Variants in TERF1 observed in about 807,000 individuals in gnomAD.
The protein encoded by TERF1 is telomeric repeat-binding factor 1.
A neutral mutation model predicts 55.1 loss-of-function variants in TERF1; 20 were observed. That is an observed-to-expected ratio of 0.36 (90% CI 0.26 to 0.53). The LOEUF is 0.53. Ranked by LOEUF, TERF1 falls within the 20% of genes least tolerant of loss-of-function variation. The pLI is 0.91. For synonymous variants in TERF1, 168 were observed against 181.2 expected, an observed-to-expected ratio of 0.93 and a Z score of 0.59; for missense variants, 439 against 535.7, an observed-to-expected ratio of 0.82 and a Z score of 1.78.
chr8:73,012,560 C>G (rs1354555089), intron 1 of TERF1: 2 of 157,240 alleles, frequency 1.3e-5, no homozygotes, highest in African/African-American at 4.8e-5. Flanking sequence ...GTAGTCCCAG[C>G]TATGCGGGAG....
chr8:73,010,754 A>C (rs1329455624), intron 1 of TERF1: 1 of 152,216 alleles, frequency 6.6e-6, no homozygotes, highest in Non-Finnish European at 1.5e-5. Context: ...AACAGAACAA[A>C]AAGAAGATTG....
At chr8:73,038,911 C>A in intron 8 of TERF1, 1 of 530,788 alleles carries the variant, frequency 1.9e-6, no homozygotes, top group Non-Finnish European at 2.8e-6. Flanking sequence ...ATAAAAGAAT[C>A]AAGACTCAAA....
chr8:73,024,870 C>A lies in TERF1; in HGVS notation c.673C>A (p.His225Asn), dbSNP rs370183602. ...GATAATCTCTCAGAAAGATACATTT[C>A]ATTCCTTTTTTCAACACTTCAGCTA... ...LMIISQKDTF[H>N]SFFQHFSYNH... The change falls in exon 5 of 10, where the codon CAT becomes AAT. Residue 225 changes from histidine to asparagine, a missense_variant. His to Asn is a moderately conservative substitution (Grantham distance 68). Coordinates refer to ENST00000276603, the MANE Select transcript of TERF1 (RefSeq NM_017489.3). 3.1e-6 allele frequency: 5 copies of A among 1,589,654 alleles called. No individual in the cohort carries two copies. Among genetic ancestry groups the A allele is most frequent in the Admixed American group, 1.7e-5 (1 of 57,226 alleles).
At chr8:73,018,929 A>G (rs553557404) in intron 2 of TERF1, 1 of 152,292 alleles carries the variant, frequency 6.6e-6, no homozygotes, top group South Asian at 2.1e-4. Context: ...ATGAATAATG[A>G]TACAAGAGTT....
At position 73,047,525 on chromosome 8, in the gene TERF1, T is replaced by C. The variant is rs56346570; in HGVS notation, c.*1388T>C. On this transcript the variant is annotated 3_prime_UTR_variant, in exon 10 of 10. Transcript: ENST00000276603. ...ATTTTGGTTTTTCACCAACATTTTA[T>C]TCTTTAAAAGATTTAGACTAACAGA... is the stretch of plus-strand genomic sequence containing the variant. The C allele has an allele frequency of 2.8e-4, 42 of 152,358 alleles. No homozygotes were observed. The East Asian group carries it at 6.0e-3, about 22-fold the overall frequency. 9.4% of individuals were successfully genotyped at this position (152,358 alleles called of 1,614,324 possible). A position where few individuals can be genotyped will look rare whatever the true frequency, so the allele number is the denominator to read the frequency against.
intron 6 of TERF1, among the ~76,000 whole-genome samples, chr8:73,028,177 G>C (rs1481954294): frequency 2.0e-5 from 3 of 152,120 alleles, no homozygotes; most frequent in Non-Finnish European, 4.4e-5. Flanking sequence ...GGTTCTTACA[G>C]ATAATCATGA....
Position 73,046,022 on chromosome 8 carries a change from A to G in TERF1, c.1205A>G (p.Asn402Ser). ...GGCGTGAGGAAATATGGAGAGGGAA[A>G]CTGGTCTAAAATACTGTTGCATTAT... ...RSGVRKYGEG[N>S]WSKILLHYKF... The change falls in exon 10 of 10, where the codon AAC (asparagine) becomes AGC (serine). Residue 402 changes from asparagine (N) to serine (S), a missense_variant. By Grantham distance (46) the Asn-to-Ser change is conservative. This residue lies in a region of TERF1 where 25 missense variants were observed against 57.3 expected (regional missense o/e 0.44). Coordinates refer to ENST00000276603, the MANE Select transcript of TERF1 (RefSeq NM_017489.3). 6.2e-7 allele frequency: 1 copy of G among 1,608,568 alleles called. No homozygotes were observed. The highest frequency in any genetic ancestry group is 8.5e-7 in the Non-Finnish European group (1 of 1,177,916).
intron 2 of TERF1, among the ~76,000 whole-genome samples, chr8:73,020,195 T>C (rs2975852): frequency 0.57 from 86,868 of 152,072 alleles, 26,334 homozygotes; most frequent in Middle Eastern, 0.75. Context: ...TAATTAGTTA[T>C]CAGCTGTTGT....
At chr8:73,016,728 A>G (rs768317570) in intron 2 of TERF1, among the ~76,000 whole-genome samples, 2 of 152,088 alleles carry the variant, frequency 1.3e-5, no homozygotes, top group Non-Finnish European at 1.5e-5. Flanking sequence ...ACTGCAGCCT[A>G]TTGCATTGCC....
chr8:73,019,308 C>T (rs926000011), intron 2 of TERF1, among the ~76,000 whole-genome samples: 1 of 152,128 alleles, frequency 6.6e-6, no homozygotes, highest in South Asian at 2.1e-4. Context: ...TCTTGATTTC[C>T]ATATACAACT....
rs1452794461 is a variant in TERF1 at position 73,020,728 on chromosome 8, G to C, written c.460G>C (p.Ala154Pro). 6.2e-7 allele frequency: 1 copy of C among 1,600,204 alleles called. No individual in the cohort carries two copies. Among genetic ancestry groups the C allele is most frequent in the South Asian group, 1.1e-5 (1 of 89,400 alleles). The change falls in exon 3 of 10, where the codon GCC becomes CCC. Residue 154 changes from alanine to proline, a missense_variant. Physicochemically the swap from Ala to Pro is conservative, Grantham distance 27 (BLOSUM62 -1). This residue lies in a region of TERF1 where 95 missense variants were observed against 167.2 expected (regional missense o/e 0.57). Transcript: ENST00000276603. ...TGAACGAATTACACCCTTGGAATCAGCCCTGATGATTTGGGGTTCAATTGA... is the reference window on the plus strand; with the variant it reads ...TGAACGAATTACACCCTTGGAATCACCCCTGATGATTTGGGGTTCAATTGA... ...NDERITPLES[A>P]LMIWGSIEKE... is the part of the protein sequence containing the mutation.
intron 6 of TERF1, among the ~76,000 whole-genome samples, chr8:73,028,991 G>C (rs1809157999): frequency 6.6e-6 from 1 of 152,034 alleles, no homozygotes; most frequent in Non-Finnish European, 1.5e-5. Context: ...CTAGTTACAG[G>C]GAACAAAACT....
chr8:73,039,248 G>C, intron 9 of TERF1, 29 bp downstream of exon 9: 1 of 1,405,796 alleles, frequency 7.1e-7, no homozygotes, highest in Non-Finnish European at 9.8e-7. Flanking sequence ...TTCGAATAAC[G>C]CTTATGGACA....
rs142960631 is a variant in TERF1 at position 73,044,407 on chromosome 8, A to G, written c.1144-1554A>G. Among the ~76,000 whole-genome samples, 456 of 152,308 alleles carry G rather than the reference A, an allele frequency of 3.0e-3. 3 individuals are homozygous for G. The highest frequency in any genetic ancestry group is 0.01 in the African/African-American group (434 of 41,556). On this transcript the variant is annotated intron_variant, in intron 9 of 9. Coordinates refer to ENST00000276603, the MANE Select transcript of TERF1 (RefSeq NM_017489.3). ...CTTCTGCATGGGTTTGGTTACGGTC[A>G]CTGCCAACTTTTTGGTACTGAGTCA...
At chr8:73,029,284 C>A (rs1387395769) in intron 6 of TERF1, among the ~76,000 whole-genome samples, 1 of 152,170 alleles carries the variant, frequency 6.6e-6, no homozygotes, top group Non-Finnish European at 1.5e-5. Context: ...CTAGGACATC[C>A]ATCCTTCATG....
chr8:73,013,226 C>T (rs1037456474), intron 1 of TERF1, among the ~76,000 whole-genome samples: 1 of 152,198 alleles, frequency 6.6e-6, no homozygotes, highest in Non-Finnish European at 1.5e-5. Context: ...GACATTATTT[C>T]CTCAGAGAAG....
At chr8:73,023,339 C>A (rs569993803) in intron 4 of TERF1, among the ~76,000 whole-genome samples, 38 of 152,286 alleles carry the variant, frequency 2.5e-4, no homozygotes, top group Non-Finnish European at 4.9e-4. Flanking sequence ...GTAGTGCTAT[C>A]CTGTTGGATT....
intron 4 of TERF1, 40 bp from the exon 5 acceptor site, chr8:73,024,782 T>C: frequency 7.0e-7 from 1 of 1,421,794 alleles, no homozygotes; most frequent in Non-Finnish European, 9.6e-7. Flanking sequence ...TCTGTAACTT[T>C]GTGTGATTTA....
At chr8:73,019,683 C>T (rs1295842934) in intron 2 of TERF1, among the ~76,000 whole-genome samples, 1 of 152,210 alleles carries the variant, frequency 6.6e-6, no homozygotes, top group Non-Finnish European at 1.5e-5. Flanking sequence ...GCACACGCCC[C>T]CACCTGGCTC....
Sources: gnomAD v4.1 joint callset for allele counts (sites outside exome capture counted in the v4.1 genomes callset) on GRCh38, gnomAD v4.1.1 for gene constraint, gnomAD v4.1.1 regional missense constraint, MANE v1.5 for transcripts, NCBI Gene and HGNC (gene_info 2026-07-23, HGNC 2026-07-21) for gene names.